PTPRT: variants seen among roughly 807,000 people sequenced by gnomAD.
PTPRT encodes the protein receptor-type tyrosine-protein phosphatase T.
PTPRT carries 56 observed loss-of-function variants against 176.8 expected under a neutral mutation model. The ratio of observed to expected loss-of-function variants is 0.32; its 90% CI spans 0.26 to 0.40. The LOEUF (loss-of-function observed/expected upper bound fraction) is 0.40. Ranked by LOEUF, PTPRT falls within the 10% of genes least tolerant of loss-of-function variation. PTPRT has a pLI of 1.00. For synonymous variants in PTPRT, 783 were observed against 739.0 expected, an observed-to-expected ratio of 1.06 and a Z score of -0.96; for missense variants, 1,540 against 1,908.2, an observed-to-expected ratio of 0.81 and a Z score of 3.60.
chr20:42,613,219 G>A (rs1291947578), intron 7 of PTPRT, among the ~76,000 whole-genome samples: 1 of 152,214 alleles, frequency 6.6e-6, no homozygotes, highest in East Asian at 1.9e-4. Context: ...CTTTCTGGCA[G>A]TGAGCACTTT....
chr20:43,075,983 C>G (rs1851584342), intron 1 of PTPRT, among the ~76,000 whole-genome samples: 1 of 152,126 alleles, frequency 6.6e-6, no homozygotes. Context: ...AGTTAAAGAA[C>G]CCCTGGTCAG....
rs1443961035 is a variant in PTPRT, at chr20:42,075,062, C to CT, written c.*5816dup. 5.2e-6 allele frequency: 2 copies of CT among 387,712 alleles called. No homozygotes were observed. The highest frequency in any genetic ancestry group is 9.1e-6 in the Non-Finnish European group (2 of 219,702). The allele number at this position is 387,712 out of a possible 1,614,324, so 24.0% of individuals were successfully genotyped here. A position where few individuals can be genotyped will look rare whatever the true frequency, so the allele number is the denominator to read the frequency against. ...AGTCTATGACCTCAAAGGCAGATCC[C>CT]TGCAAGACAAAGCCAAGGCCTTGCA... On this transcript the variant is annotated 3_prime_UTR_variant, in exon 31 of 31. Transcript: ENST00000373187.
Position 42,757,510 on chromosome 20 carries a change from C to G in PTPRT, c.685-874G>C, listed in dbSNP as rs532476905. On this transcript the variant is annotated intron_variant, in intron 5 of 30. Coordinates refer to ENST00000373187, the MANE Select transcript of PTPRT (RefSeq NM_007050.6). ...TTCTCTGCCTGGAGGGTCTGGTCTC[C>G]CTGGGGACACTCCGTCTTCCGTAAA... 5.9e-5 allele frequency among the ~76,000 whole-genome samples: 9 copies of G among 152,296 alleles called. No homozygotes were observed. In the East Asian group the frequency reaches 1.7e-3, roughly 29 times the overall value.
chr20:43,180,752 C>A (rs923499819), intron 1 of PTPRT, among the ~76,000 whole-genome samples: 4 of 152,178 alleles, frequency 2.6e-5, no homozygotes, highest in Middle Eastern at 3.4e-3. Context: ...CGTGAGCCAC[C>A]ACCCCCAGCC....
chr20:42,865,336 C>T (rs1203303495), intron 2 of PTPRT, among the ~76,000 whole-genome samples: 1 of 152,204 alleles, frequency 6.6e-6, no homozygotes. Flanking sequence ...CACTGAGCAC[C>T]ATGCTCTGAA....
chr20:42,474,064 A>C (rs1357148811), intron 7 of PTPRT, among the ~76,000 whole-genome samples: 1 of 152,098 alleles, frequency 6.6e-6, no homozygotes, highest in Non-Finnish European at 1.5e-5. Context: ...CTTAATAAGC[A>C]CTCTACGTAT....
intron 1 of PTPRT, among the ~76,000 whole-genome samples, chr20:43,046,915 C>T (rs1439467861): frequency 1.3e-5 from 2 of 152,162 alleles, no homozygotes; most frequent in Non-Finnish European, 2.9e-5. Flanking sequence ...AATAATTTCC[C>T]TTCTGCTTTC....
chr20:42,055,965 G>T, the PTPRT span, among the ~76,000 whole-genome samples: 1 of 152,116 alleles, frequency 6.6e-6, no homozygotes, highest in Non-Finnish European at 1.5e-5. Flanking sequence ...AGCGTGGGTA[G>T]GTTTGTGCAC....
At chr20:42,125,768 G>A (rs966707039) in intron 19 of PTPRT, among the ~76,000 whole-genome samples, 1 of 152,194 alleles carries the variant, frequency 6.6e-6, no homozygotes, top group Non-Finnish European at 1.5e-5. Context: ...GGCCCTGACT[G>A]TAGTCAGATG....
chr20:42,565,360 C>A (rs1180595035), intron 7 of PTPRT, among the ~76,000 whole-genome samples: 2 of 152,124 alleles, frequency 1.3e-5, no homozygotes, highest in East Asian at 3.9e-4. Context: ...CACTGTCAGC[C>A]CAGGGAGCAA....
chr20:42,547,991 T>C lies in PTPRT; in HGVS notation c.1154-75429A>G, dbSNP rs569544747. ...TATACTATGATAACAAAAACTATAA[T>C]ATGTTTAAGAATCAACAATCAAGAA... is the stretch of plus-strand genomic sequence containing the variant. On this transcript the variant is annotated intron_variant, in intron 7 of 30. Transcript: ENST00000373187. Among the ~76,000 whole-genome samples the C allele has an allele frequency of 3.1e-3, 478 of 152,086 alleles. 1 individual carries two copies. Among genetic ancestry groups the C allele is most frequent in the African/African-American group, 0.011 (465 of 41,528 alleles).
At chr20:42,441,235 A>G (rs1024650256) in intron 9 of PTPRT, among the ~76,000 whole-genome samples, 1 of 152,232 alleles carries the variant, frequency 6.6e-6, no homozygotes, top group Non-Finnish European at 1.5e-5. Context: ...TAAGAGAGGA[A>G]ACAGAGGGGA....
chr20:42,534,803 A>C (rs984395013), intron 7 of PTPRT, among the ~76,000 whole-genome samples: 33 of 152,060 alleles, frequency 2.2e-4, no homozygotes, highest in Admixed American at 9.8e-4. Flanking sequence ...CCACTTGATC[A>C]CTCTGCTCGA....
At chr20:42,247,632 G>A (rs1197611313) in intron 14 of PTPRT, among the ~76,000 whole-genome samples, 2 of 152,196 alleles carry the variant, frequency 1.3e-5, no homozygotes, top group Non-Finnish European at 2.9e-5. Flanking sequence ...GGTTAATAAT[G>A]TAGAAGGCTC....
chr20:42,638,028 T>C (rs912031357), intron 7 of PTPRT, among the ~76,000 whole-genome samples: 1 of 152,092 alleles, frequency 6.6e-6, no homozygotes. Flanking sequence ...AACCCAATAT[T>C]CAATAACTTT....
intron 1 of PTPRT, among the ~76,000 whole-genome samples, chr20:43,153,577 C>A (rs2146425857): frequency 6.6e-6 from 1 of 152,216 alleles, no homozygotes; most frequent in Non-Finnish European, 1.5e-5. Flanking sequence ...TACATTATTA[C>A]AACCACAGAG....
Position 43,056,391 on chromosome 20 carries a change from G to A in PTPRT, c.88+133255C>T, listed in dbSNP as rs573188374. 2.6e-5 allele frequency among the ~76,000 whole-genome samples: 4 copies of A among 152,262 alleles called. No individual in the cohort carries two copies. The East Asian group carries it at 5.8e-4, about 22-fold the overall frequency. On this transcript the variant is annotated intron_variant, in intron 1 of 30. Transcript: ENST00000373187. Reference sequence around the variant, plus strand: ...GAAAGTGCTGTATGATGCCACTTCTGGGCGTGACCCATGCAAACCTCAAAT... The same window carrying A: ...GAAAGTGCTGTATGATGCCACTTCTAGGCGTGACCCATGCAAACCTCAAAT...
intron 6 of PTPRT, among the ~76,000 whole-genome samples, chr20:42,750,758 G>A (rs2076758933): frequency 6.6e-6 from 1 of 152,018 alleles, no homozygotes; most frequent in African/African-American, 2.4e-5. Context: ...CATAACTTTG[G>A]TTGCAGACAC....
At position 42,465,385 on chromosome 20, in the gene PTPRT, T is replaced by C. The variant is rs62203559; in HGVS notation, c.1450+6881A>G. Among the ~76,000 whole-genome samples the C allele has an allele frequency of 8.6e-3, 1,310 of 152,296 alleles. 11 individuals are homozygous for C. Among genetic ancestry groups the C allele is most frequent in the Middle Eastern group, 0.014 (4 of 294 alleles). ...CTATTTGCTACAGTATTATTTATGA[T>C]AGTAAATAACGGAAACAACCTGGGT... is the stretch of plus-strand genomic sequence containing the variant. On this transcript the variant is annotated intron_variant, in intron 8 of 30. Transcript: ENST00000373187.
Sources: allele counts gnomAD v4.1 joint callset (sites outside exome capture counted in the v4.1 genomes callset), GRCh38; gene constraint gnomAD v4.1.1; transcripts MANE v1.5; gene names NCBI Gene and HGNC (gene_info 2026-07-23, HGNC 2026-07-21).